NDST2: variants seen among roughly 807,000 people sequenced by gnomAD.
NDST2 encodes N-deacetylase and N-sulfotransferase 2.
A neutral mutation model predicts 86.9 loss-of-function variants in NDST2; 32 were observed. The observed-to-expected ratio is 0.37, with a 90% CI of 0.28 to 0.49. The LOEUF is 0.49. Ranked by LOEUF, NDST2 falls within the 20% of genes least tolerant of loss-of-function variation. The pLI, the probability that NDST2 is intolerant of heterozygous loss-of-function variation, is 0.97. For missense variants in NDST2, 950 were observed against 1,146.9 expected (o/e 0.83, Z 2.48); for synonymous variants, 409 against 437.0 (o/e 0.94, Z 0.80).
chr10:73,806,010 A>G lies in NDST2; in HGVS notation c.1453T>C (p.Cys485Arg). 6.2e-7 allele frequency: 1 copy of G among 1,613,934 alleles called. No individual in the cohort carries two copies. Among genetic ancestry groups the G allele is most frequent in the Non-Finnish European group, 8.5e-7 (1 of 1,179,956 alleles). ...AAGATTGTGTGAGTGAAGAGGCCAC[A>G]TGTCTGCCGGGGCAGCACCTGGAGG... Reference protein sequence around the residue: ...NGIMVLPRQTCGLFTHTIFYN... With the variant: ...NGIMVLPRQTRGLFTHTIFYN... The change falls in exon 7 of 15, where the codon TGT (cysteine) becomes CGT (arginine). Residue 485 changes from cysteine to arginine, a missense_variant. By Grantham distance (180) the Cys-to-Arg change is radical (BLOSUM62 -3). Around this residue, in one of 5 missense-constraint regions of NDST2, gnomAD observed 586 missense variants for 714.0 expected, o/e 0.82. Coordinates refer to ENST00000309979, the MANE Select transcript of NDST2 (RefSeq NM_003635.4). The surrounding 1 kb of genome is among the most constrained non-coding windows in gnomAD (Gnocchi z 4.5).
chr10:73,804,700 G>T, intron 9 of NDST2, 73 bp downstream of exon 9: 1 of 888,590 alleles, frequency 1.1e-6, no homozygotes, highest in South Asian at 1.5e-5. Context: ...CCTGGAGAGA[G>T]AAGAGAGTTC....
In NDST2 at chr10:73,808,440, G is replaced by T. The variant is rs1297894647; in HGVS notation, c.-52C>A. On this transcript the variant is annotated 5_prime_UTR_variant, in exon 3 of 15. Coordinates refer to ENST00000309979, the MANE Select transcript of NDST2 (RefSeq NM_003635.4). The surrounding 1 kb of genome is among the most constrained non-coding windows in gnomAD (Gnocchi z 4.3). ...TGGGGACCACCTCAGGGGATGGGAG[G>T]TAGGAGTTCTATAGGCTAGGACTGT... 2 of 1,504,546 alleles carry T rather than the reference G, an allele frequency of 1.3e-6. No homozygotes were observed. The highest frequency in any genetic ancestry group is 2.6e-5 in the South Asian group (2 of 77,232). 93.2% of individuals were successfully genotyped at this position (1,504,546 alleles called of 1,614,324 possible).
rs1565098620 is a variant in NDST2 at position 73,806,861 on chromosome 10, T to G, written c.1094-50A>C. 1.3e-6 allele frequency: 2 copies of G among 1,595,998 alleles called. No individual in the cohort carries two copies. Among genetic ancestry groups the G allele is most frequent in the Admixed American group, 1.7e-5 (1 of 59,406 alleles). On this transcript the variant is annotated intron_variant, in intron 4 of 14. Coordinates refer to ENST00000309979, the MANE Select transcript of NDST2 (RefSeq NM_003635.4). This position sits in a 1 kb window ranked among gnomAD's most constrained non-coding sequence, Gnocchi z 4.5. Reference sequence around the variant, plus strand: ...CCACAGCCAGTCAGCCCCTGTTCCCTCCTTTATTTTGTAACAACACTGACC... The same window carrying G: ...CCACAGCCAGTCAGCCCCTGTTCCCGCCTTTATTTTGTAACAACACTGACC...
Position 73,806,309 on chromosome 10 carries a change from A to G in NDST2, c.1414T>C (p.Phe472Leu). The G allele has an allele frequency of 6.2e-7, 1 of 1,613,984 alleles. No individual in the cohort carries two copies. Among genetic ancestry groups the G allele is most frequent in the Non-Finnish European group, 8.5e-7 (1 of 1,180,006 alleles). Residue 472 changes from phenylalanine (F) to leucine (L), a missense_variant, in exon 6 of 15, where the codon TTC (phenylalanine) becomes CTC (leucine). Phe to Leu is a conservative substitution (Grantham distance 22, BLOSUM62 0). Coordinates refer to ENST00000309979, the MANE Select transcript of NDST2 (RefSeq NM_003635.4). This position sits in a 1 kb window ranked among gnomAD's most constrained non-coding sequence, Gnocchi z 4.5. ...CTCACCATAATGCCATTGTGAATGA[A>G]GCCACGGCGGTAGCGGGCAGGGCGG... is the stretch of plus-strand genomic sequence containing the variant. ...HLRPARYRRG[F>L]IHNGIMVLPR... is the part of the protein sequence containing the mutation.
rs779593377 is a variant in NDST2 at position 73,806,042 on chromosome 10, A to T, written c.1435-14T>A. Reference sequence around the variant, plus strand: ...CCGGGGCAGCACCTGGAGGGAAAAGAAAAAACAGATGAGATTTGAAAGATA... The same window carrying T: ...CCGGGGCAGCACCTGGAGGGAAAAGTAAAAACAGATGAGATTTGAAAGATA... On this transcript the variant is annotated splice_polypyrimidine_tract_variant and intron_variant, in intron 6 of 14. Transcript: ENST00000309979. This position sits in a 1 kb window ranked among gnomAD's most constrained non-coding sequence, Gnocchi z 4.5. 19 of 1,612,098 alleles carry T rather than the reference A, an allele frequency of 1.2e-5. No individual in the cohort carries two copies. In the Admixed American group the frequency reaches 3.2e-4, roughly 27 times the overall value.
At chr10:73,803,104 C>T (rs781189342) in intron 12 of NDST2, 23 bp from the exon 13 acceptor site, 20 of 1,613,778 alleles carry the variant, frequency 1.2e-5, no homozygotes, top group Admixed American at 1.2e-4. Context: ...GGATGTGGTT[C>T]CCTCTATATT....
rs766521306 is a variant in NDST2 at position 73,806,862 on chromosome 10, CCTTT to C, written c.1094-55_1094-52del. 4 of 1,596,394 alleles carry C rather than the reference CCTTT, an allele frequency of 2.5e-6. No homozygotes were observed. The highest frequency in any genetic ancestry group is 1.3e-5 in the African/African-American group (1 of 74,612). Reference sequence around the variant, plus strand: ...CACAGCCAGTCAGCCCCTGTTCCCTCCTTTATTTTGTAACAACACTGACCACCTT... The same window carrying C: ...CACAGCCAGTCAGCCCCTGTTCCCTCATTTTGTAACAACACTGACCACCTT... On this transcript the variant is annotated intron_variant, in intron 4 of 14. Transcript: ENST00000309979. The surrounding 1 kb of genome is among the most constrained non-coding windows in gnomAD (Gnocchi z 4.5).
At chr10:73,804,902 A>ATTTTTTTT in intron 8 of NDST2, 33 bp from the exon 9 acceptor site, 1 of 983,288 alleles carries the variant, frequency 1.0e-6, no homozygotes, top group Non-Finnish European at 1.5e-6. Flanking sequence ...GATAAGGCCT[A>ATTTTTTTT]TTTTTTTTTT....
chr10:73,807,241 A>G, intron 3 of NDST2, 46 bp from the exon 4 acceptor site: 1 of 1,568,214 alleles, frequency 6.4e-7, no homozygotes. Flanking sequence ...AGCAGACTGA[A>G]CAGGAAATAC....
rs1348140915 is a variant in NDST2, at chr10:73,803,652, C to A, written c.2064G>T (p.Arg688=). The change falls in exon 11 of 15, where the codon CGG becomes CGT. Residue 688 remains arginine (R), a synonymous_variant. Coordinates refer to ENST00000309979, the MANE Select transcript of NDST2 (RefSeq NM_003635.4). ...TGGCTCGTGGCAGGAGGGCAGCCCC[C>A]CGCCGTGGTACAACTTCAGAGTCAA... ...TYFDSEVVPR[R]GAALLPRAKI... is the part of the protein sequence containing the mutation. 6.2e-6 allele frequency: 10 copies of A among 1,613,912 alleles called. No individual in the cohort carries two copies. Among genetic ancestry groups the A allele is most frequent in the Non-Finnish European group, 8.5e-6 (10 of 1,180,030 alleles).
In NDST2 at chr10:73,805,786, C is replaced by T. The variant is rs2084091250; in HGVS notation, c.1564-17G>A. On this transcript the variant is annotated splice_polypyrimidine_tract_variant and intron_variant, in intron 7 of 14. Coordinates refer to ENST00000309979, the MANE Select transcript of NDST2 (RefSeq NM_003635.4). Reference sequence around the variant, plus strand: ...GATGCTGATCTGTAAGGGGTACCTGCATGTCAGATTTGGAGAGCCTACCCC... The same window carrying T: ...GATGCTGATCTGTAAGGGGTACCTGTATGTCAGATTTGGAGAGCCTACCCC... 2 of 1,613,762 alleles carry T rather than the reference C, an allele frequency of 1.2e-6. No individual in the cohort carries two copies. The highest frequency in any genetic ancestry group is 1.6e-4 in the Middle Eastern group (1 of 6,082).
Position 73,804,910 on chromosome 10 carries a change from T to G in NDST2, c.1747-41A>C, listed in dbSNP as rs2084071973. On this transcript the variant is annotated intron_variant, in intron 8 of 14. Transcript: ENST00000309979. Reference sequence around the variant, plus strand: ...ATAATCAGATAAGGCCTATTTTTTTTTTTTTTTTGAGACGGAGTTTCGTTC... The same window carrying G: ...ATAATCAGATAAGGCCTATTTTTTTGTTTTTTTTGAGACGGAGTTTCGTTC... The G allele has an allele frequency of 5.9e-6, 8 of 1,357,040 alleles. No individual in the cohort carries two copies. In the South Asian group the frequency reaches 1.0e-4, roughly 17 times the overall value. 84.1% of individuals were successfully genotyped at this position (1,357,040 alleles called of 1,614,324 possible). A position where few individuals can be genotyped will look rare whatever the true frequency, so the allele number is the denominator to read the frequency against.
intron 3 of NDST2, 82 bp from the exon 4 acceptor site, chr10:73,807,277 G>A: frequency 6.5e-7 from 1 of 1,538,000 alleles, no homozygotes; most frequent in Non-Finnish European, 9.0e-7. Context: ...CTTCCTGCCT[G>A]GAAAGGCAGG....
At chr10:73,811,366 C>T (rs1410049416) in intron 1 of NDST2, 108 bp downstream of exon 1, 2 of 152,422 alleles carry the variant, frequency 1.3e-5, no homozygotes, top group Non-Finnish European at 2.9e-5. Flanking sequence ...GCACGCTGGG[C>T]CGCCCGGGAC....
chr10:73,809,702 G>C (rs2084163886), intron 2 of NDST2, among the ~76,000 whole-genome samples: 1 of 152,184 alleles, frequency 6.6e-6, no homozygotes, highest in African/African-American at 2.4e-5. Context: ...AGTGTGATCA[G>C]AAAACAGTTT....
chr10:73,802,367 AC>A lies in NDST2; in HGVS notation c.*83del. ...GAGGTAGAGGGGGAGGGGCCAGGCC[AC>A]TCTAATCCCCCTTGTGGGCCCTGCT... On this transcript the variant is annotated 3_prime_UTR_variant, in exon 15 of 15. Transcript: ENST00000309979. The A allele has an allele frequency of 6.5e-7, 1 of 1,526,924 alleles. No homozygotes were observed. The allele number at this position is 1,526,924 out of a possible 1,614,324, so 94.6% of individuals were successfully genotyped here. A position where few individuals can be genotyped will look rare whatever the true frequency, so the allele number is the denominator to read the frequency against.
chr10:73,803,855 G>T (rs1200828719), intron 10 of NDST2, 38 bp downstream of exon 10: 7 of 1,614,064 alleles, frequency 4.3e-6, no homozygotes, highest in Non-Finnish European at 5.9e-6. Flanking sequence ...GGAAGGGAGT[G>T]TTCCTCTGAG....
At chr10:73,811,753 C>T (rs1389225176), upstream of NDST2, 2 of 152,196 alleles carry the variant, frequency 1.3e-5, no homozygotes, top group African/African-American at 4.8e-5. Context: ...CGAGCCGCGG[C>T]CTCCGAGACG....
Position 73,807,914 on chromosome 10 carries a change from G to A in NDST2, c.475C>T (p.Arg159Trp), listed in dbSNP as rs149504323. ...CCCACACCATACTCCACGCAGTACC[G>A]GTCTAGCAGTTCCCGACTCCAGGCA... is the stretch of plus-strand genomic sequence containing the variant. ...LDAWSRELLD[R>W]YCVEYGVGII... The change falls in exon 3 of 15, where the codon CGG (arginine) becomes TGG (tryptophan). Residue 159 changes from arginine (R) to tryptophan (W), a missense_variant. Arg to Trp is a moderately radical substitution (Grantham distance 101). Transcript: ENST00000309979. 14 of 1,614,084 alleles carry A rather than the reference G, an allele frequency of 8.7e-6. No homozygotes were observed. Among genetic ancestry groups the A allele is most frequent in the South Asian group, 4.4e-5 (4 of 91,088 alleles).
Sources: gnomAD v4.1 joint callset for allele counts (sites outside exome capture counted in the v4.1 genomes callset) on GRCh38, gnomAD v4.1.1 for gene constraint, gnomAD v4.1.1 regional missense constraint, Gnocchi (gnomAD v3.1) non-coding constraint, MANE v1.5 for transcripts, NCBI Gene and HGNC (gene_info 2026-07-23, HGNC 2026-07-21) for gene names.